PAMR1: variants seen among roughly 807,000 people sequenced by gnomAD.
PAMR1 encodes inactive serine protease PAMR1.
PAMR1 carries 88 observed loss-of-function variants against 81.8 expected under a neutral mutation model. The observed-to-expected ratio is 1.08, with a 90% confidence interval of 0.91 to 1.28. The LOEUF (loss-of-function observed/expected upper bound fraction) is 1.28. Among genes scored for constraint, PAMR1 ranks in the 50% most tolerant of loss-of-function variants. The pLI, the probability that PAMR1 is intolerant of heterozygous loss-of-function variation, is 0.00. For missense variants in PAMR1, 935 were observed against 919.7 expected (o/e 1.02, Z -0.21); for synonymous variants, 336 against 345.3 (o/e 0.97, Z 0.30).
intron 6 of PAMR1, among the ~76,000 whole-genome samples, chr11:35,458,136 T>C (rs1856573253): frequency 6.6e-6 from 1 of 152,178 alleles, no homozygotes; most frequent in South Asian, 2.1e-4. Context: ...AGATATAATA[T>C]TTGAAAAATC....
At chr11:35,459,089 T>C (rs1470857625) in intron 6 of PAMR1, among the ~76,000 whole-genome samples, 2 of 152,208 alleles carry the variant, frequency 1.3e-5, no homozygotes, top group African/African-American at 4.8e-5. Flanking sequence ...TGTGAAATTA[T>C]GCTTGGATTG....
chr11:35,491,614 G>A (rs987284668), intron 3 of PAMR1, among the ~76,000 whole-genome samples: 7 of 152,088 alleles, frequency 4.6e-5, no homozygotes, highest in African/African-American at 7.2e-5. Context: ...CTCTTTCCTC[G>A]GACAAAAGGC....
chr11:35,449,478 T>A (rs921739873), intron 6 of PAMR1, among the ~76,000 whole-genome samples: 12 of 152,230 alleles, frequency 7.9e-5, no homozygotes, highest in African/African-American at 2.9e-4. Context: ...AGGTCCCACC[T>A]AAAGAAGCAG....
chr11:35,491,283 G>C (rs1479039482), intron 3 of PAMR1, among the ~76,000 whole-genome samples: 1 of 152,132 alleles, frequency 6.6e-6, no homozygotes, highest in Non-Finnish European at 1.5e-5. Context: ...ATCAGTCAAA[G>C]ATACCAACCA....
At chr11:35,444,256 T>C (rs947824916) in intron 6 of PAMR1, among the ~76,000 whole-genome samples, 3 of 152,116 alleles carry the variant, frequency 2.0e-5, no homozygotes, top group African/African-American at 7.2e-5. Flanking sequence ...CCTTTGTCAG[T>C]TGGATAGGTT....
At chr11:35,481,508 TTTTGTTTG>T (rs58551047) in intron 3 of PAMR1, among the ~76,000 whole-genome samples, 75,416 of 150,918 alleles carry the variant, frequency 0.5, 22,250 homozygotes, top group Non-Finnish European at 0.66. Context: ...TGTCTTCTTG[TTTTGTTTG>T]TTTGTTTGTT....
chr11:35,468,217 G>T, intron 5 of PAMR1, 109 bp from the exon 6 acceptor site: 1 of 623,534 alleles, frequency 1.6e-6, no homozygotes, highest in South Asian at 2.2e-5. Flanking sequence ...TTCTTGCAAT[G>T]TTTTTTCTTC....
intron 3 of PAMR1, among the ~76,000 whole-genome samples, chr11:35,486,561 C>T (rs1850512569): frequency 6.6e-6 from 1 of 152,266 alleles, no homozygotes; most frequent in Admixed American, 6.5e-5. Flanking sequence ...TTGCTCTGAG[C>T]CAGTTCTGCT....
At position 35,525,523 on chromosome 11, in the gene PAMR1, G is replaced by A; in HGVS notation, c.63C>T (p.Ser21=). The change falls in exon 1 of 11, where the codon TCC becomes TCT. Residue 21 remains serine (S), a synonymous_variant. Coordinates refer to ENST00000619888, the MANE Select transcript of PAMR1 (RefSeq NM_001001991.3). ...LTFLQLLLIS[S]LPREYTVINE... ...CGCTACTCACAGTACCTCTTGGCAA[G>A]GACGAGATGAGAAGGAGCTGAAGAA... 6.2e-7 allele frequency: 1 copy of A among 1,613,896 alleles called. No individual in the cohort carries two copies. Among genetic ancestry groups the A allele is most frequent in the Non-Finnish European group, 8.5e-7 (1 of 1,179,840 alleles).
At chr11:35,482,409 A>T (rs1371741509) in intron 3 of PAMR1, among the ~76,000 whole-genome samples, 1 of 152,180 alleles carries the variant, frequency 6.6e-6, no homozygotes, top group African/African-American at 2.4e-5. Flanking sequence ...CTGTTTTGGC[A>T]CCAGTACCAT....
rs757416544 is a variant in PAMR1 at position 35,494,256 on chromosome 11, A to AT, written c.89dup (p.Asn30LysfsTer2). 6.2e-7 allele frequency: 1 copy of AT among 1,614,120 alleles called. No individual in the cohort carries two copies. The highest frequency in any genetic ancestry group is 2.2e-5 in the East Asian group (1 of 44,884). On this transcript the variant is annotated frameshift_variant, in exon 2 of 11. Transcript: ENST00000619888. LOFTEE classifies it high-confidence loss of function. ...TCCACTCTGCTCCAGGGCAGGCTTC[A>AT]TTAATGACTGTGTACTCTGAAATGG...
intron 6 of PAMR1, among the ~76,000 whole-genome samples, chr11:35,467,657 T>C (rs1323960494): frequency 6.6e-6 from 1 of 152,148 alleles, no homozygotes; most frequent in East Asian, 1.9e-4. Context: ...AAAATACAGA[T>C]CTTAGAATGG....
intron 6 of PAMR1, among the ~76,000 whole-genome samples, chr11:35,443,973 T>C (rs1412743304): frequency 6.6e-6 from 1 of 152,262 alleles, no homozygotes; most frequent in Admixed American, 6.5e-5. Context: ...TTTTTTCAAA[T>C]GTTTGTTGGC....
chr11:35,438,363 G>A (rs1021003824), intron 8 of PAMR1, among the ~76,000 whole-genome samples: 4 of 152,186 alleles, frequency 2.6e-5, no homozygotes, highest in Non-Finnish European at 5.9e-5. Context: ...AAGAGCAACC[G>A]ACACAGAGCA....
rs1463895041 is a variant in PAMR1 at position 35,432,826 on chromosome 11, T to A, written c.1693A>T (p.Lys565Ter). Residue 565 changes from lysine (K) to a stop codon, truncating the protein, a stop_gained, in exon 11 of 11, where the codon AAG becomes TAG. Coordinates refer to ENST00000619888, the MANE Select transcript of PAMR1 (RefSeq NM_001001991.3). LOFTEE classifies it high-confidence loss of function. ...CTGATACGGGCCTTGTCTAGGAGCT[T>A]CAGGATGGCGATGTCAGCATCAAGC... ...ILLDADIAIL[K>*]LLDKARISTR... is the part of the protein sequence containing the mutation. The A allele has an allele frequency of 6.2e-6, 10 of 1,603,914 alleles. No individual in the cohort carries two copies. The highest frequency in any genetic ancestry group is 8.5e-6 in the Non-Finnish European group (10 of 1,179,760).
At position 35,432,763 on chromosome 11, in the gene PAMR1, C is replaced by G; in HGVS notation, c.1756G>C (p.Asp586His). ...GACTCCTGGAAGGAAGTGCTGAGAT[C>G]CCGACTGGCAGCGAGGCAGATGGGC... ...VQPICLAASRDLSTSFQESHI... is the reference protein window; with the variant it reads ...VQPICLAASRHLSTSFQESHI... Residue 586 changes from aspartate to histidine, a missense_variant, in exon 11 of 11, where the codon GAT (aspartate) becomes CAT (histidine). Physicochemically the swap from Asp to His is moderately conservative, Grantham distance 81 (BLOSUM62 -1). Transcript: ENST00000619888. 1 of 1,613,676 alleles carries G rather than the reference C, an allele frequency of 6.2e-7. No individual in the cohort carries two copies. The highest frequency in any genetic ancestry group is 2.2e-5 in the East Asian group (1 of 44,886).
chr11:35,526,676 G>A (rs141229646), upstream of PAMR1, among the ~76,000 whole-genome samples: 23 of 152,296 alleles, frequency 1.5e-4, no homozygotes, highest in East Asian at 4.2e-3. Flanking sequence ...GGCAGCTTAG[G>A]CCCACAGGCT....
At chr11:35,466,272 C>T (rs1856754834) in intron 6 of PAMR1, among the ~76,000 whole-genome samples, 1 of 152,104 alleles carries the variant, frequency 6.6e-6, no homozygotes, top group East Asian at 1.9e-4. Flanking sequence ...TCAAATGAGG[C>T]AAGAACCACG....
intron 3 of PAMR1, among the ~76,000 whole-genome samples, chr11:35,484,241 G>T (rs1163684109): frequency 1.3e-5 from 2 of 152,178 alleles, no homozygotes; most frequent in Non-Finnish European, 2.9e-5. Context: ...TTGTAAATGA[G>T]GAAACTGAGA....
Sources: gnomAD v4.1 joint callset for allele counts (sites outside exome capture counted in the v4.1 genomes callset) on GRCh38, gnomAD v4.1.1 for gene constraint, MANE v1.5 for transcripts, NCBI Gene and HGNC (gene_info 2026-07-23, HGNC 2026-07-21) for gene names.